Variants in ADGRL2 observed in about 807,000 individuals in gnomAD.
ADGRL2 encodes the protein adhesion G protein-coupled receptor L2, also known as calcium-independent alpha-latrotoxin receptor 2.
In ADGRL2, 44 loss-of-function variants were observed where a neutral mutation model predicts 157.4. The ratio of observed to expected loss-of-function variants is 0.28; its 90% CI spans 0.22 to 0.36. ADGRL2 has a LOEUF of 0.36. Ranked by LOEUF, ADGRL2 falls within the 10% of genes least tolerant of loss-of-function variation. The pLI is 1.00. For synonymous variants in ADGRL2, 585 were observed against 624.7 expected (o/e 0.94, Z 0.95); for missense variants, 1,510 against 1,768.9 (o/e 0.85, Z 2.63).
chr1:81,958,941 A>G (rs1654477414), intron 11 of ADGRL2, among the ~76,000 whole-genome samples: 1 of 152,100 alleles, frequency 6.6e-6, no homozygotes, highest in African/African-American at 2.4e-5. Flanking sequence ...TATTTTTTGA[A>G]ATTTATCCAT....
intron 3 of ADGRL2, among the ~76,000 whole-genome samples, chr1:81,595,771 T>C (rs1032680642): frequency 6.6e-6 from 1 of 152,218 alleles, no homozygotes; most frequent in African/African-American, 2.4e-5. Flanking sequence ...TAAATAATAG[T>C]TCTATATCTG....
intron 1 of ADGRL2, among the ~76,000 whole-genome samples, chr1:81,424,996 T>G (rs769739972): frequency 3.9e-5 from 6 of 152,316 alleles, no homozygotes; most frequent in Non-Finnish European, 7.4e-5. Flanking sequence ...AGTCAAAATG[T>G]CACCTTGTGT....
chr1:81,377,908 C>T (rs547474717), intron 1 of ADGRL2, among the ~76,000 whole-genome samples: 27 of 152,208 alleles, frequency 1.8e-4, no homozygotes, highest in Admixed American at 5.9e-4. Flanking sequence ...GTACCGGGCA[C>T]GGTGGCTCAC....
At chr1:81,551,363 C>A (rs571421750) in intron 2 of ADGRL2, among the ~76,000 whole-genome samples, 1 of 152,208 alleles carries the variant, frequency 6.6e-6, no homozygotes, top group South Asian at 2.1e-4. Context: ...CACCTTGAGT[C>A]CCCAAGTGTA....
intron 1 of ADGRL2, among the ~76,000 whole-genome samples, chr1:81,718,681 G>A (rs1418094192): frequency 2.6e-5 from 4 of 152,214 alleles, no homozygotes; most frequent in Non-Finnish European, 4.4e-5. Context: ...AGACTTTACT[G>A]CATAGTCAGC....
chr1:81,712,748 ATCGCGGATTT>A (rs2083972409), intron 1 of ADGRL2, among the ~76,000 whole-genome samples: 1 of 141,860 alleles, frequency 7.0e-6, no homozygotes, highest in Non-Finnish European at 1.5e-5. Flanking sequence ...ATTTACCTGG[ATCGCGGATTT>A]TTTTTTTTTT....
chr1:81,945,420 G>A (rs1047427823), intron 6 of ADGRL2, among the ~76,000 whole-genome samples: 59 of 151,864 alleles, frequency 3.9e-4, no homozygotes, highest in Middle Eastern at 6.8e-3. Flanking sequence ...AGAAAAAAAA[G>A]AAAGAAAAAA....
intron 2 of ADGRL2, among the ~76,000 whole-genome samples, chr1:81,868,167 A>G (rs1317459525): frequency 6.6e-6 from 1 of 152,006 alleles, no homozygotes; most frequent in Non-Finnish European, 1.5e-5. Flanking sequence ...TGTGCTAGGC[A>G]TTGCAGTAGG....
At chr1:81,695,770 G>A (rs546421083), upstream of ADGRL2, among the ~76,000 whole-genome samples, 259 of 150,892 alleles carry the variant, frequency 1.7e-3, 2 homozygotes, top group Non-Finnish European at 2.5e-3. Flanking sequence ...GCAGTGAGCC[G>A]AGAGATTATG....
intron 2 of ADGRL2, among the ~76,000 whole-genome samples, chr1:81,471,679 GA>G (rs1281274553): frequency 6.6e-6 from 1 of 152,186 alleles, no homozygotes; most frequent in Non-Finnish European, 1.5e-5. Flanking sequence ...AAATTGTGAA[GA>G]AAAATGTATA....
At chr1:81,550,081 G>A (rs932386398) in intron 2 of ADGRL2, among the ~76,000 whole-genome samples, 39 of 152,182 alleles carry the variant, frequency 2.6e-4, no homozygotes, top group Admixed American at 1.3e-4. Flanking sequence ...CTGCCATATT[G>A]ATTATTGGCA....
chr1:81,613,196 G>T (rs2081577444), intron 3 of ADGRL2, among the ~76,000 whole-genome samples: 2 of 152,136 alleles, frequency 1.3e-5, no homozygotes, highest in Admixed American at 1.3e-4. Flanking sequence ...CATTTTACTT[G>T]TCTCCTATGG....
chr1:81,683,457 C>A (rs1570822906), intron 3 of ADGRL2, among the ~76,000 whole-genome samples: 1 of 152,208 alleles, frequency 6.6e-6, no homozygotes, highest in Non-Finnish European at 1.5e-5. Context: ...TCCCACTCTT[C>A]CCCCCAAATC....
At chr1:81,585,555 G>C (rs536042063) in intron 3 of ADGRL2, among the ~76,000 whole-genome samples, 6 of 152,166 alleles carry the variant, frequency 3.9e-5, no homozygotes, top group South Asian at 4.2e-4. Flanking sequence ...AGGCAAAGGG[G>C]TTAAAGGTCT....
chr1:81,577,080 C>T (rs2080812347), intron 2 of ADGRL2, among the ~76,000 whole-genome samples: 5 of 152,158 alleles, frequency 3.3e-5, no homozygotes. Flanking sequence ...CTATTACTGT[C>T]CCTATTAATT....
chr1:81,754,367 C>T (rs933228787), intron 1 of ADGRL2, among the ~76,000 whole-genome samples: 1 of 151,354 alleles, frequency 6.6e-6, no homozygotes, highest in African/African-American at 2.4e-5. Context: ...TAATAACACC[C>T]AAATTATAAT....
chr1:81,700,234 T>C (rs2149028290), intron 1 of ADGRL2, among the ~76,000 whole-genome samples: 1 of 152,342 alleles, frequency 6.6e-6, no homozygotes, highest in Middle Eastern at 3.4e-3. Context: ...ACAGGAAGAT[T>C]TCCTTCAGAG....
chr1:81,643,285 T>C (rs1034242399), intron 3 of ADGRL2, among the ~76,000 whole-genome samples: 1 of 152,120 alleles, frequency 6.6e-6, no homozygotes, highest in African/African-American at 2.4e-5. Flanking sequence ...CTTCTCAATA[T>C]ACCAGCAATG....
intron 3 of ADGRL2, among the ~76,000 whole-genome samples, chr1:81,921,217 A>C (rs538623197): frequency 2.6e-5 from 4 of 152,318 alleles, no homozygotes; most frequent in East Asian, 3.9e-4. Flanking sequence ...TAAGAAGTTG[A>C]CCATGATTCC....
Sources: allele counts gnomAD v4.1 joint callset (sites outside exome capture counted in the v4.1 genomes callset), GRCh38; gene constraint gnomAD v4.1.1; transcripts MANE v1.5; gene names NCBI Gene and HGNC (gene_info 2026-07-23, HGNC 2026-07-21).